ARIH1: variants seen among roughly 807,000 people sequenced by gnomAD.
ARIH1 encodes the protein E3 ubiquitin-protein ligase ARIH1.
A neutral mutation model predicts 85.0 loss-of-function variants in ARIH1; 8 were observed. That is an observed-to-expected ratio of 0.09 (90% CI 0.06 to 0.17). The LOEUF (loss-of-function observed/expected upper bound fraction) is 0.17, where lower values mean the gene tolerates loss of function less well. Ranked by LOEUF, ARIH1 falls within the 10% of genes least tolerant of loss-of-function variation. The probability of loss-of-function intolerance (pLI) is 1.00; values close to 1 mark genes in which losing one functional copy is unlikely to be tolerated. For missense variants in ARIH1, 311 were observed against 718.1 expected, an observed-to-expected ratio of 0.43 and a Z score of 6.48; for synonymous variants, 238 against 253.6, an observed-to-expected ratio of 0.94 and a Z score of 0.59.
rs2064327581 is a variant in ARIH1, at chr15:72,588,519, C to T, written c.*5227C>T. On this transcript the variant is annotated 3_prime_UTR_variant, in exon 14 of 14. Transcript: ENST00000379887. ...CCAGCCGGTGATTCTCACATGCAGACTAGGTTGAGATCCTTGATCTAGACT... is the reference window on the plus strand; with the variant it reads ...CCAGCCGGTGATTCTCACATGCAGATTAGGTTGAGATCCTTGATCTAGACT... 1 of 152,168 alleles carries T rather than the reference C, an allele frequency of 6.6e-6. No homozygotes were observed. The highest frequency in any genetic ancestry group is 2.4e-5 in the African/African-American group (1 of 41,430). 9.4% of individuals were successfully genotyped at this position (152,168 alleles called of 1,614,324 possible).
intron 1 of ARIH1, among the ~76,000 whole-genome samples, chr15:72,504,209 C>G (rs971379504): frequency 2.0e-5 from 3 of 152,168 alleles, no homozygotes; most frequent in Admixed American, 1.3e-4. Context: ...TACCCGCCAC[C>G]ATGCCCCACT....
chr15:72,525,303 A>C (rs2064022462), intron 2 of ARIH1, among the ~76,000 whole-genome samples: 1 of 152,218 alleles, frequency 6.6e-6, no homozygotes, highest in Non-Finnish European at 1.5e-5. Context: ...GAATAATCAT[A>C]ATAAATGTCA....
chr15:72,491,977 T>C (rs2063861352), intron 1 of ARIH1, among the ~76,000 whole-genome samples: 1 of 152,210 alleles, frequency 6.6e-6, no homozygotes, highest in South Asian at 2.1e-4. Flanking sequence ...TTATACAGGC[T>C]GAGTCAATGG....
intron 3 of ARIH1, among the ~76,000 whole-genome samples, chr15:72,545,232 C>T (rs923441726): frequency 6.6e-6 from 1 of 152,098 alleles, no homozygotes; most frequent in Non-Finnish European, 1.5e-5. Flanking sequence ...TATTCTATCA[C>T]CATGGGAGAA....
intron 12 of ARIH1, 24 bp downstream of exon 12, chr15:72,581,015 A>G (rs2064292960): frequency 6.2e-7 from 1 of 1,602,682 alleles, no homozygotes; most frequent in Non-Finnish European, 8.5e-7. Flanking sequence ...TGGGTGAGGA[A>G]AAAGCCCACC....
At chr15:72,514,131 C>T (rs761062437) in intron 1 of ARIH1, among the ~76,000 whole-genome samples, 2 of 151,798 alleles carry the variant, frequency 1.3e-5, no homozygotes, top group African/African-American at 2.4e-5. Flanking sequence ...TGAGCCACTG[C>T]ACCTAGCCTG....
intron 1 of ARIH1, among the ~76,000 whole-genome samples, chr15:72,498,633 C>T (rs2063889828): frequency 6.6e-6 from 1 of 152,132 alleles, no homozygotes; most frequent in South Asian, 2.1e-4. Flanking sequence ...CACCCGAGGT[C>T]AGGAATTGGA....
chr15:72,503,401 C>A (rs1459385803), intron 1 of ARIH1, among the ~76,000 whole-genome samples: 1 of 152,198 alleles, frequency 6.6e-6, no homozygotes, highest in Non-Finnish European at 1.5e-5. Context: ...TGGCAACTTC[C>A]TGATTCAAGC....
intron 3 of ARIH1, among the ~76,000 whole-genome samples, chr15:72,553,204 T>G (rs2064160411): frequency 6.6e-6 from 1 of 152,204 alleles, no homozygotes; most frequent in African/African-American, 2.4e-5. Flanking sequence ...TTCTTTAAAA[T>G]AAGGTAACCA....
chr15:72,547,068 C>A (rs2064132755), intron 3 of ARIH1, among the ~76,000 whole-genome samples: 1 of 151,408 alleles, frequency 6.6e-6, no homozygotes, highest in South Asian at 2.1e-4. Context: ...GCTGGGACTA[C>A]AGGCGTCTGC....
At position 72,595,808 on chromosome 15, in the gene ARIH1, G is replaced by GTTTTTTTTTTTTTTTTTTTTTTTTTCT. The variant is rs59597213; in HGVS notation, c.*12534_*12535insTTTTTTTCTTTTTTTTTTTTTTTTTTT. 2 of 122,836 alleles carry GTTTTTTTTTTTTTTTTTTTTTTTTTCT rather than the reference G, an allele frequency of 1.6e-5. No individual in the cohort carries two copies. 7.6% of individuals were successfully genotyped at this position (122,836 alleles called of 1,614,324 possible). On this transcript the variant is annotated 3_prime_UTR_variant, in exon 14 of 14. Coordinates refer to ENST00000379887, the MANE Select transcript of ARIH1 (RefSeq NM_005744.5). ...TATTGCAGTGTTTTTTGTTTTTTCTGTTTTTTTTTTTTTTTTTTCATCTTT... is the reference window on the plus strand; with the variant it reads ...TATTGCAGTGTTTTTTGTTTTTTCTGTTTTTTTTTTTTTTTTTTTTTTTTTCTTTTTTTTTTTTTTTTTTTCATCTTT...
chr15:72,516,101 T>C (rs893350233), intron 1 of ARIH1, among the ~76,000 whole-genome samples: 1 of 152,204 alleles, frequency 6.6e-6, no homozygotes, highest in Middle Eastern at 3.2e-3. Flanking sequence ...TGGGAACTTG[T>C]GGCTAGAAAC....
At chr15:72,491,732 T>A (rs2063860409) in intron 1 of ARIH1, among the ~76,000 whole-genome samples, 1 of 152,242 alleles carries the variant, frequency 6.6e-6, no homozygotes, top group Non-Finnish European at 1.5e-5. Flanking sequence ...GAACTTTAGT[T>A]ATCACAACTG....
chr15:72,538,360 C>T (rs901182789), intron 2 of ARIH1, among the ~76,000 whole-genome samples: 1 of 152,062 alleles, frequency 6.6e-6, no homozygotes, highest in Non-Finnish European at 1.5e-5. Flanking sequence ...TCTCCCTCTC[C>T]CCCGCAAATA....
Position 72,474,466 on chromosome 15 carries a change from C to G in ARIH1, c.-174C>G, listed in dbSNP as rs2063784677. 1.2e-6 allele frequency: 1 copy of G among 839,838 alleles called. No homozygotes were observed. Among genetic ancestry groups the G allele is most frequent in the African/African-American group, 1.8e-5 (1 of 55,010 alleles). The allele number at this position is 839,838 out of a possible 1,614,324, so 52.0% of individuals were successfully genotyped here. A position where few individuals can be genotyped will look rare whatever the true frequency, so the allele number is the denominator to read the frequency against. Reference sequence around the variant, plus strand: ...CCTCCCTCCTCCGCGCCCTCCCCGCCGCCACCAGCCGTCAAACGCCAACCG... The same window carrying G: ...CCTCCCTCCTCCGCGCCCTCCCCGCGGCCACCAGCCGTCAAACGCCAACCG... On this transcript the variant is annotated 5_prime_UTR_variant, in exon 1 of 14. Transcript: ENST00000379887.
intron 11 of ARIH1, among the ~76,000 whole-genome samples, chr15:72,578,551 G>A (rs924735598): frequency 1.3e-5 from 2 of 151,766 alleles, no homozygotes; most frequent in African/African-American, 2.4e-5. Context: ...CATAAGATAG[G>A]CTACATATGT....
intron 2 of ARIH1, among the ~76,000 whole-genome samples, chr15:72,535,616 C>T (rs1199789706): frequency 6.6e-6 from 1 of 152,138 alleles, no homozygotes; most frequent in Admixed American, 6.5e-5. Context: ...GTTATCAAAA[C>T]AATAAAAAGA....
chr15:72,555,248 T>G, intron 3 of ARIH1, 23 bp from the exon 4 acceptor site: 1 of 1,558,298 alleles, frequency 6.4e-7, no homozygotes, highest in South Asian at 1.1e-5. Context: ...CTTTGTTAAG[T>G]TCATGTTTTG....
At chr15:72,485,536 T>C (rs2063834408) in intron 1 of ARIH1, among the ~76,000 whole-genome samples, 1 of 152,208 alleles carries the variant, frequency 6.6e-6, no homozygotes, top group Non-Finnish European at 1.5e-5. Flanking sequence ...ATTTTTTTTT[T>C]TAATGGAAAG....
Sources: gnomAD v4.1 joint callset for allele counts (sites outside exome capture counted in the v4.1 genomes callset) on GRCh38, gnomAD v4.1.1 for gene constraint, MANE v1.5 for transcripts, NCBI Gene and HGNC (gene_info 2026-07-23, HGNC 2026-07-21) for gene names.